The following MIDEAS variants were observed in gnomAD, a reference collection of about 807,000 sequenced individuals.
The protein encoded by MIDEAS is mitotic deacetylase-associated SANT domain protein.
Under a neutral mutation model 102.7 loss-of-function variants are expected in MIDEAS, and 26 were observed. The observed-to-expected ratio is 0.25, with a 90% CI of 0.19 to 0.35. The LOEUF (loss-of-function observed/expected upper bound fraction) is 0.35. Ranked by LOEUF, MIDEAS falls within the 10% of genes least tolerant of loss-of-function variation. MIDEAS has a pLI of 1.00. For synonymous variants in MIDEAS, 585 were observed against 591.0 expected, an observed-to-expected ratio of 0.99 and a Z score of 0.15; for missense variants, 1,231 against 1,435.6, an observed-to-expected ratio of 0.86 and a Z score of 2.30.
chr14:73,719,577 G>T lies in MIDEAS; in HGVS notation c.2938-76C>A. On this transcript the variant is annotated intron_variant, in intron 11 of 12. Coordinates refer to ENST00000423556, the MANE Select transcript of MIDEAS (RefSeq NM_001367710.1). ...TGGAATTCTAAAATCGCAGGGAACC[G>T]GGGGCCTGAAAAGTCATATATATTC... 8.2e-6 allele frequency: 12 copies of T among 1,460,096 alleles called. No individual in the cohort carries two copies. The South Asian group carries it at 1.5e-4, about 18-fold the overall frequency. The allele number at this position is 1,460,096 out of a possible 1,614,324, so 90.4% of individuals were successfully genotyped here.
chr14:73,736,039 C>A (rs1251668541), intron 3 of MIDEAS, among the ~76,000 whole-genome samples: 2 of 152,174 alleles, frequency 1.3e-5, no homozygotes, highest in East Asian at 3.8e-4. Flanking sequence ...TGCCTGTAAT[C>A]CCAGCTACTA....
upstream of MIDEAS, among the ~76,000 whole-genome samples, chr14:73,760,843 C>T (rs2053548318): frequency 1.3e-5 from 2 of 152,178 alleles, no homozygotes; most frequent in African/African-American, 4.8e-5. This position sits in a 1 kb window ranked among gnomAD's most constrained non-coding sequence, Gnocchi z 4.8. Flanking sequence ...CAACTCAGGC[C>T]AGAGTTGAGC....
At chr14:73,747,521 G>A (rs1247505074) in intron 1 of MIDEAS, among the ~76,000 whole-genome samples, 1 of 152,196 alleles carries the variant, frequency 6.6e-6, no homozygotes, top group Non-Finnish European at 1.5e-5. Flanking sequence ...CCAGTTCACA[G>A]AACTCATGAC....
chr14:73,734,682 T>C (rs753203494), intron 3 of MIDEAS, among the ~76,000 whole-genome samples: 6 of 152,118 alleles, frequency 3.9e-5, no homozygotes, highest in Non-Finnish European at 8.8e-5. Flanking sequence ...CCTCCTGCCT[T>C]GGCCCCCCCA....
chr14:73,715,279 CTCTA>C lies in MIDEAS; in HGVS notation c.*3560_*3563del, dbSNP rs2052867286. On this transcript the variant is annotated 3_prime_UTR_variant, in exon 13 of 13. Transcript: ENST00000423556. The stretch of plus-strand genomic sequence containing the variant: ...GCACACAAAAAATAAAATCTTCAGT[CTCTA>C]TCACAACTGTACAGCAAAAGAGGTA... The C allele has an allele frequency of 6.6e-6, 1 of 152,562 alleles. No individual in the cohort carries two copies. The highest frequency in any genetic ancestry group is 1.5e-5 in the Non-Finnish European group (1 of 68,024). 9.5% of individuals were successfully genotyped at this position (152,562 alleles called of 1,614,324 possible). A position where few individuals can be genotyped will look rare whatever the true frequency, so the allele number is the denominator to read the frequency against.
In MIDEAS at chr14:73,718,950, T is replaced by C. The variant is rs1482438175; in HGVS notation, c.3193A>G (p.Lys1065Glu). 6.6e-7 allele frequency: 1 copy of C among 1,523,224 alleles called. No homozygotes were observed. The highest frequency in any genetic ancestry group is 1.4e-5 in the African/African-American group (1 of 72,088). 94.4% of individuals were successfully genotyped at this position (1,523,224 alleles called of 1,614,324 possible). A position where few individuals can be genotyped will look rare whatever the true frequency, so the allele number is the denominator to read the frequency against. The change falls in exon 13 of 13, where the codon AAG becomes GAG. Residue 1065 changes from lysine to glutamate, a missense_variant. Lys to Glu is a moderately conservative substitution (Grantham distance 56, BLOSUM62 1). Coordinates refer to ENST00000423556, the MANE Select transcript of MIDEAS (RefSeq NM_001367710.1). The stretch of plus-strand genomic sequence containing the variant: ...TTCAGCCTCAGCGCTGCAGCCTTCT[T>C]CTCCTGCTCTGCGTGGCTCTTCATA... Reference protein sequence around the residue: ...AHMKSHAEQEKKAAALRLKEK... With the variant: ...AHMKSHAEQEEKAAALRLKEK...
Position 73,732,785 on chromosome 14 carries a change from C to CAAA in MIDEAS, c.1750-2803_1750-2801dup, listed in dbSNP as rs57681928. On this transcript the variant is annotated intron_variant, in intron 3 of 12. Transcript: ENST00000423556. ...GGGGTGACACAGTGAGACTCCCTCT[C>CAAA]AAAAAAAAAAAAAAAAAAAAAAAGG... Among the ~76,000 whole-genome samples, 142 of 45,896 alleles carry CAAA rather than the reference C, an allele frequency of 3.1e-3. 1 individual carries two copies. The highest frequency in any genetic ancestry group is 0.053 in the Middle Eastern group (2 of 38). The allele number at this position is 45,896 out of a possible 152,430, so 30.1% of individuals were successfully genotyped here. A position where few individuals can be genotyped will look rare whatever the true frequency, so the allele number is the denominator to read the frequency against.
intron 1 of MIDEAS, among the ~76,000 whole-genome samples, chr14:73,768,123 G>A (rs936237193): frequency 2.6e-5 from 4 of 152,106 alleles, no homozygotes; most frequent in Non-Finnish European, 4.4e-5. Flanking sequence ...TCACACCGCC[G>A]CACTCAGCAC....
upstream of MIDEAS, among the ~76,000 whole-genome samples, chr14:73,762,843 G>A (rs1380267979): frequency 6.6e-6 from 1 of 152,164 alleles, no homozygotes; most frequent in Non-Finnish European, 1.5e-5. Flanking sequence ...CAGAGCTCCA[G>A]TTACCAGGGA....
At position 73,721,372 on chromosome 14, in the gene MIDEAS, C is replaced by G. The variant is rs2052988601; in HGVS notation, c.2862G>C (p.Glu954Asp). 6.2e-7 allele frequency: 1 copy of G among 1,613,970 alleles called. No individual in the cohort carries two copies. Among genetic ancestry groups the G allele is most frequent in the Admixed American group, 1.7e-5 (1 of 60,010 alleles). Residue 954 changes from glutamate to aspartate, a missense_variant, in exon 11 of 13, where the codon GAG becomes GAC. By Grantham distance (45) the Glu-to-Asp change is conservative. This residue lies in a region of MIDEAS where 391 missense variants were observed against 483.0 expected (regional missense o/e 0.81). Transcript: ENST00000423556. ...EEVPEIQEKE[E>D]QEEGRERSRR... ...TGCTGCGCTCTCGCCCCTCTTCCTG[C>G]TCCTCCTTCTCTTGGATCTCTGGCA...
chr14:73,754,020 G>A (rs145206833), intron 1 of MIDEAS, among the ~76,000 whole-genome samples: 1 of 152,154 alleles, frequency 6.6e-6, no homozygotes, highest in South Asian at 2.1e-4. Context: ...GAAGTAGAAG[G>A]GACTCCAGTG....
chr14:73,719,222 T>TCCCCCGGCCCCG, intron 12 of MIDEAS, 83 bp downstream of exon 12: 1 of 1,497,120 alleles, frequency 6.7e-7, no homozygotes, highest in Non-Finnish European at 8.9e-7. Flanking sequence ...CTGTACCTCT[T>TCCCCCGGCCCCG]CCCCCTCCCC....
upstream of MIDEAS, among the ~76,000 whole-genome samples, chr14:73,762,340 A>G (rs2053561192): frequency 6.6e-6 from 1 of 152,244 alleles, no homozygotes; most frequent in African/African-American, 2.4e-5. Flanking sequence ...CCCAGGAAGC[A>G]GCATACATAG....
In MIDEAS at chr14:73,725,468, A is replaced by G. The variant is rs1246692719; in HGVS notation, c.2486-108T>C. On this transcript the variant is annotated intron_variant, in intron 8 of 12. Transcript: ENST00000423556. The surrounding 1 kb of genome is among the most constrained non-coding windows in gnomAD (Gnocchi z 4.1). ...GAGGCCATCCGCCCATGGTTTCTGC[A>G]GGCATCAGAGCCGGCTCCTCGTCCC... 5 of 830,778 alleles carry G rather than the reference A, an allele frequency of 6.0e-6. No individual in the cohort carries two copies. The highest frequency in any genetic ancestry group is 1.9e-5 in the Admixed American group (1 of 52,088). 51.5% of individuals were successfully genotyped at this position (830,778 alleles called of 1,614,324 possible).
chr14:73,765,145 G>T (rs978215186), upstream of MIDEAS, among the ~76,000 whole-genome samples: 8 of 152,252 alleles, frequency 5.3e-5, no homozygotes, highest in Non-Finnish European at 1.2e-4. Context: ...GTTCACTGGA[G>T]CTTGGCTTCC....
At chr14:73,764,983 G>A (rs958598199), upstream of MIDEAS, among the ~76,000 whole-genome samples, 2 of 152,238 alleles carry the variant, frequency 1.3e-5, no homozygotes, top group African/African-American at 4.8e-5. Flanking sequence ...GACAAAACAG[G>A]TGTGGCTGCC....
intron 1 of MIDEAS, among the ~76,000 whole-genome samples, chr14:73,745,789 T>G (rs1385733022): frequency 6.6e-6 from 1 of 152,208 alleles, no homozygotes; most frequent in East Asian, 1.9e-4. Context: ...TCAAGGGGTT[T>G]GCAAACAAGG....
chr14:73,778,042 T>C (rs1187782784), intron 1 of MIDEAS, among the ~76,000 whole-genome samples: 1 of 151,892 alleles, frequency 6.6e-6, no homozygotes, highest in Non-Finnish European at 1.5e-5. Flanking sequence ...ATGAAGAACC[T>C]GACAGAACGC....
rs1340899102 is a variant in MIDEAS at position 73,718,891 on chromosome 14, G to A, written c.3252C>T (p.Ala1084=). 2.0e-6 allele frequency: 3 copies of A among 1,507,012 alleles called. No individual in the cohort carries two copies. The African/African-American group carries it at 4.3e-5, about 22-fold the overall frequency. 93.4% of individuals were successfully genotyped at this position (1,507,012 alleles called of 1,614,324 possible). A position where few individuals can be genotyped will look rare whatever the true frequency, so the allele number is the denominator to read the frequency against. The change falls in exon 13 of 13, where the codon GCC becomes GCT. Residue 1084 remains alanine (A), a synonymous_variant. Coordinates refer to ENST00000423556, the MANE Select transcript of MIDEAS (RefSeq NM_001367710.1). ...EKEAAAAAAA[A]HQQALREESG... The stretch of plus-strand genomic sequence containing the variant: ...TCTCCTCCCGCAGGGCCTGCTGGTG[G>A]GCGGCGGCGGCGGCAGCAGCGGCCT...
Sources: allele counts gnomAD v4.1 joint callset (sites outside exome capture counted in the v4.1 genomes callset), GRCh38; gene constraint gnomAD v4.1.1; regional missense constraint gnomAD v4.1.1; non-coding constraint Gnocchi (gnomAD v3.1); transcripts MANE v1.5; gene names NCBI Gene and HGNC (gene_info 2026-07-23, HGNC 2026-07-21).